ANKRD36: variants seen among roughly 807,000 people sequenced by gnomAD.
ANKRD36 encodes ankyrin repeat domain 36, also known as ankyrin repeat domain-containing protein 36A.
A neutral mutation model predicts 278.1 loss-of-function variants in ANKRD36; 179 were observed. The ratio of observed to expected loss-of-function variants is 0.64; its 90% confidence interval spans 0.57 to 0.73. The LOEUF (loss-of-function observed/expected upper bound fraction) is 0.73. Among genes scored for constraint, ANKRD36 ranks in the 30% least tolerant of loss-of-function variants. The probability of loss-of-function intolerance (pLI) is 0.00; values close to 1 mark genes in which losing one functional copy is unlikely to be tolerated. For synonymous variants in ANKRD36, 320 were observed against 641.1 expected (o/e 0.50, Z 7.57); for missense variants, 1,159 against 1,956.7 (o/e 0.59, Z 7.69).
Position 97,145,741 on chromosome 2 carries a change from G to T in ANKRD36, c.1004-745G>T, listed in dbSNP as rs116790223. Among the ~76,000 whole-genome samples, 578 of 151,880 alleles carry T rather than the reference G, an allele frequency of 3.8e-3. 5 individuals carry two copies. The highest frequency in any genetic ancestry group is 0.013 in the African/African-American group (555 of 41,448). ...TGTATATAATACCTTGTTCCCATTG[G>T]TGACTGACAAAAGTTTCTGAAGGTT... On this transcript the variant is annotated intron_variant, in intron 10 of 75. Transcript: ENST00000420699.
At chr2:97,173,503 A>G (rs902900609) in intron 22 of ANKRD36, among the ~76,000 whole-genome samples, 5 of 151,850 alleles carry the variant, frequency 3.3e-5, no homozygotes, top group African/African-American at 1.2e-4. Context: ...AGTGTCTGAC[A>G]CATTTAACAT....
intron 6 of ANKRD36, among the ~76,000 whole-genome samples, chr2:97,134,794 C>T (rs2041062675): frequency 6.6e-6 from 1 of 152,020 alleles, no homozygotes; most frequent in Non-Finnish European, 1.5e-5. Flanking sequence ...AAAGTACTCC[C>T]TGGCAACTTG....
chr2:97,144,291 GAAT>G (rs2043682498), intron 8 of ANKRD36, among the ~76,000 whole-genome samples: 1 of 149,112 alleles, frequency 6.7e-6, no homozygotes, highest in Non-Finnish European at 1.5e-5. Flanking sequence ...GACATGTGAA[GAAT>G]AATATCACAT....
At chr2:97,187,474 A>ACCG in intron 32 of ANKRD36, 73 bp downstream of exon 32, 1 of 48,772 alleles carries the variant, frequency 2.1e-5, no homozygotes, top group Non-Finnish European at 4.0e-5. Flanking sequence ...CTAATAAATC[A>ACCG]GCGGAGGGCG....
At chr2:97,165,308 T>G (rs1298381653) in intron 20 of ANKRD36, among the ~76,000 whole-genome samples, 2 of 152,072 alleles carry the variant, frequency 1.3e-5, no homozygotes, top group Admixed American at 1.3e-4. Flanking sequence ...TGGTCATCTT[T>G]GATTTGTTTT....
rs1484383272 is a variant in ANKRD36 at position 97,187,374 on chromosome 2, A to C, written c.2116A>C (p.Ile706Leu). Residue 706 changes from isoleucine to leucine, a missense_variant, in exon 32 of 76, where the codon ATA (isoleucine) becomes CTA (leucine). Physicochemically the swap from Ile to Leu is conservative, Grantham distance 5. Coordinates refer to ENST00000420699, the MANE Select transcript of ANKRD36 (RefSeq NM_001354587.1). ...CTCTGTTTCGAATATAGCCACAGAA[A>C]TAAAGGATGGAGAAAAATCTGGGAC... ...EDSVSNIATE[I>L]KDGEKSGTVS... 6.2e-7 allele frequency: 1 copy of C among 1,607,956 alleles called. No homozygotes were observed. Among genetic ancestry groups the C allele is most frequent in the East Asian group, 2.2e-5 (1 of 44,450 alleles).
At chr2:97,203,429 C>G (rs1227502934) in intron 48 of ANKRD36, among the ~76,000 whole-genome samples, 1 of 151,826 alleles carries the variant, frequency 6.6e-6, no homozygotes, top group Non-Finnish European at 1.5e-5. Context: ...GATGAAGAAA[C>G]TTTTGGAAGG....
At chr2:97,224,452 G>GTTTTTTTTTTTTTTTTT (rs199810806) in intron 66 of ANKRD36, among the ~76,000 whole-genome samples, 1 of 137,946 alleles carries the variant, frequency 7.2e-6, no homozygotes. Flanking sequence ...TTGTTTTTTT[G>GTTTTTTTTTTTTTTTTT]TTTTTTTTTT....
At chr2:97,222,156 G>C (rs2067928576) in intron 66 of ANKRD36, among the ~76,000 whole-genome samples, 1 of 151,960 alleles carries the variant, frequency 6.6e-6, no homozygotes, top group South Asian at 2.1e-4. Flanking sequence ...TTTGGTACCA[G>C]TACCAGGCTG....
At chr2:97,195,537 T>C (rs1458900468) in intron 40 of ANKRD36, among the ~76,000 whole-genome samples, 1 of 151,932 alleles carries the variant, frequency 6.6e-6, no homozygotes, top group Admixed American at 6.6e-5. Context: ...AAACAGTGGT[T>C]GAATTGGCAT....
intron 8 of ANKRD36, among the ~76,000 whole-genome samples, chr2:97,143,868 G>A (rs1195384274): frequency 4.6e-5 from 7 of 151,998 alleles, no homozygotes; most frequent in African/African-American, 1.7e-4. Flanking sequence ...ATGAGTGGGT[G>A]AAGAAACTTT....
At chr2:97,217,992 G>T (rs2066417498) in intron 64 of ANKRD36, among the ~76,000 whole-genome samples, 6 of 152,068 alleles carry the variant, frequency 3.9e-5, no homozygotes, top group South Asian at 4.2e-4. Flanking sequence ...ATGACTACTG[G>T]AATCAGGAAG....
intron 4 of ANKRD36, among the ~76,000 whole-genome samples, chr2:97,123,887 C>G (rs1266888774): frequency 7.3e-6 from 1 of 136,454 alleles, no homozygotes; most frequent in Non-Finnish European, 1.6e-5. Context: ...ATTATATATA[C>G]TAATTTTATA....
intron 28 of ANKRD36, among the ~76,000 whole-genome samples, chr2:97,184,082 C>G (rs555979051): frequency 2.3e-4 from 35 of 151,456 alleles, no homozygotes; most frequent in Admixed American, 4.0e-4. Context: ...ACAAAGTGAC[C>G]ACTGATGTAG....
chr2:97,199,021 A>G (rs1167754757), intron 44 of ANKRD36, among the ~76,000 whole-genome samples: 2 of 152,046 alleles, frequency 1.3e-5, no homozygotes, highest in East Asian at 3.9e-4. Context: ...CGCACTGCCA[A>G]GAAAAGACAG....
intron 22 of ANKRD36, among the ~76,000 whole-genome samples, chr2:97,173,778 A>C (rs2053398440): frequency 1.3e-5 from 2 of 151,812 alleles, no homozygotes; most frequent in Admixed American, 6.6e-5. Context: ...AGCAGAAGTT[A>C]GAAGGATGAG....
At chr2:97,231,776 G>C (rs541592512) in intron 67 of ANKRD36, among the ~76,000 whole-genome samples, 1 of 152,236 alleles carries the variant, frequency 6.6e-6, no homozygotes, top group East Asian at 2.0e-4. Context: ...CAGCAGTCTT[G>C]GCTGCCAGAC....
chr2:97,149,532 T>C (rs1026135946), intron 12 of ANKRD36, among the ~76,000 whole-genome samples, 171 bp downstream of exon 12: 8 of 151,806 alleles, frequency 5.3e-5, no homozygotes, highest in African/African-American at 1.9e-4. Flanking sequence ...TAATTTTTTT[T>C]ACTTTGGCAA....
In ANKRD36 at chr2:97,158,824, G is replaced by A. The variant is rs529952054; in HGVS notation, c.1389+169G>A. 1.8e-4 allele frequency among the ~76,000 whole-genome samples: 28 copies of A among 151,940 alleles called. 1 individual carries two copies. In the East Asian group the frequency reaches 5.1e-3, roughly 28 times the overall value. On this transcript the variant is annotated intron_variant, in intron 17 of 75. Transcript: ENST00000420699. ...CTTGCCATCTCCCTGTCTTTATAACGATGACAAGGATCCTATAAAGGAATG... is the reference window on the plus strand; with the variant it reads ...CTTGCCATCTCCCTGTCTTTATAACAATGACAAGGATCCTATAAAGGAATG...
Sources: gnomAD v4.1 joint callset for allele counts (sites outside exome capture counted in the v4.1 genomes callset) on GRCh38, gnomAD v4.1.1 for gene constraint, MANE v1.5 for transcripts, NCBI Gene and HGNC (gene_info 2026-07-23, HGNC 2026-07-21) for gene names.